PDSS2: variants seen among roughly 807,000 people sequenced by gnomAD.
The protein encoded by PDSS2 is all trans-polyprenyl-diphosphate synthase PDSS2.
A neutral mutation model predicts 44.5 loss-of-function variants in PDSS2; 31 were observed. The ratio of observed to expected loss-of-function variants is 0.70; its 90% CI spans 0.52 to 0.94. The LOEUF (loss-of-function observed/expected upper bound fraction) is 0.94. Ranked by LOEUF, PDSS2 falls within the 40% of genes least tolerant of loss-of-function variation. PDSS2 has a pLI of 0.00. For missense variants in PDSS2, 452 were observed against 482.2 expected (o/e 0.94, Z 0.59); for synonymous variants, 157 against 180.3 (o/e 0.87, Z 1.03).
At chr6:107,220,288 T>C (rs1309169972) in intron 4 of PDSS2, among the ~76,000 whole-genome samples, 2 of 152,178 alleles carry the variant, frequency 1.3e-5, no homozygotes, top group Admixed American at 6.5e-5. Flanking sequence ...TTTACATTTA[T>C]TGGTCTCAAA....
chr6:107,434,227 T>C (rs1270242948), intron 1 of PDSS2, among the ~76,000 whole-genome samples: 1 of 152,138 alleles, frequency 6.6e-6, no homozygotes, highest in Non-Finnish European at 1.5e-5. Flanking sequence ...TAGAGATAAC[T>C]TGTGATCCAG....
intron 2 of PDSS2, among the ~76,000 whole-genome samples, chr6:107,295,160 C>T (rs1336120683): frequency 6.6e-6 from 1 of 152,168 alleles, no homozygotes; most frequent in African/African-American, 2.4e-5. Context: ...TCTTGAACTC[C>T]TGACCTTAGG....
At chr6:107,407,735 T>C (rs1354935533) in intron 1 of PDSS2, among the ~76,000 whole-genome samples, 3 of 152,350 alleles carry the variant, frequency 2.0e-5, no homozygotes, top group African/African-American at 7.2e-5. Flanking sequence ...AGTCTCGCTC[T>C]GTTGCCCAGG....
intron 2 of PDSS2, among the ~76,000 whole-genome samples, chr6:107,291,405 T>C (rs1262992033): frequency 1.3e-5 from 2 of 151,336 alleles, no homozygotes; most frequent in African/African-American, 4.9e-5. Context: ...TGGAGTACAG[T>C]AGTGTTATTG....
chr6:107,293,505 G>T (rs1295100393), intron 2 of PDSS2, among the ~76,000 whole-genome samples: 1 of 152,284 alleles, frequency 6.6e-6, no homozygotes, highest in South Asian at 2.1e-4. Context: ...TTCTGCCGCG[G>T]TACGGGAGTT....
intron 3 of PDSS2, among the ~76,000 whole-genome samples, chr6:107,253,739 T>C (rs925107465): frequency 3.9e-5 from 6 of 152,230 alleles, no homozygotes; most frequent in African/African-American, 1.4e-4. Flanking sequence ...ATTTTACTTT[T>C]GAATAAAGGT....
chr6:107,446,324 G>GA (rs927277144), intron 1 of PDSS2, among the ~76,000 whole-genome samples: 4 of 151,136 alleles, frequency 2.6e-5, no homozygotes, highest in African/African-American at 7.3e-5. Flanking sequence ...AAAAAAAAAA[G>GA]AAAAAAAAGA....
intron 7 of PDSS2, among the ~76,000 whole-genome samples, chr6:107,185,012 C>T (rs1159458760): frequency 6.6e-6 from 1 of 151,316 alleles, no homozygotes; most frequent in African/African-American, 2.4e-5. Context: ...AGACAGTGCA[C>T]CTGTAGTCGC....
At chr6:107,275,331 T>A (rs1332099804) in intron 2 of PDSS2, among the ~76,000 whole-genome samples, 2 of 152,078 alleles carry the variant, frequency 1.3e-5, no homozygotes, top group Admixed American at 6.6e-5. Context: ...GGTGAAAAAA[T>A]TGTGCACACA....
At position 107,293,445 on chromosome 6, in the gene PDSS2, C is replaced by A. The variant is rs972042218; in HGVS notation, c.432-19218G>T. ...AGTTTTCCAAAATATCTGTCCCCCT[C>A]CCCACTGGAGAGCAGATTCTATCAC... On this transcript the variant is annotated intron_variant, in intron 2 of 7. Transcript: ENST00000369037. Among the ~76,000 whole-genome samples the A allele has an allele frequency of 2.0e-5, 3 of 152,218 alleles. No individual in the cohort carries two copies. In the East Asian group the frequency reaches 5.8e-4, roughly 29 times the overall value.
intron 7 of PDSS2, among the ~76,000 whole-genome samples, chr6:107,168,459 G>A (rs1771435609): frequency 6.6e-6 from 1 of 151,772 alleles, no homozygotes; most frequent in African/African-American, 2.4e-5. Flanking sequence ...TTTAATTGGA[G>A]CATTTAGCCC....
intron 1 of PDSS2, among the ~76,000 whole-genome samples, chr6:107,403,173 T>C (rs1473145593): frequency 1.3e-5 from 2 of 152,138 alleles, no homozygotes; most frequent in Non-Finnish European, 2.9e-5. Context: ...ATGGGAGAAG[T>C]TGGCCAAAAC....
intron 1 of PDSS2, among the ~76,000 whole-genome samples, chr6:107,399,660 T>C (rs1012625601): frequency 1.3e-5 from 2 of 152,246 alleles, no homozygotes; most frequent in Non-Finnish European, 2.9e-5. Context: ...AGATAATTCC[T>C]ACTATTTACT....
At position 107,376,136 on chromosome 6, in the gene PDSS2, C is replaced by T. The variant is rs150428893; in HGVS notation, c.297-41804G>A. 9.9e-4 allele frequency among the ~76,000 whole-genome samples: 150 copies of T among 152,236 alleles called. 2 individuals carry two copies. In the East Asian group the frequency reaches 0.016, roughly 16 times the overall value. The stretch of plus-strand genomic sequence containing the variant: ...ATTGATTTATATTTCTGTTTTGGTA[C>T]CAGTACCATGCTGTTTTGGTTACTG... On this transcript the variant is annotated intron_variant, in intron 1 of 7. Coordinates refer to ENST00000369037, the MANE Select transcript of PDSS2 (RefSeq NM_020381.4).
intron 4 of PDSS2, among the ~76,000 whole-genome samples, chr6:107,225,858 A>G (rs1019450241): frequency 2.0e-5 from 3 of 152,208 alleles, no homozygotes; most frequent in Non-Finnish European, 2.9e-5. Flanking sequence ...CAATTTATTC[A>G]TTTATTAAAG....
chr6:107,243,707 C>T (rs867007669), intron 4 of PDSS2, among the ~76,000 whole-genome samples: 2 of 152,178 alleles, frequency 1.3e-5, no homozygotes, highest in African/African-American at 2.4e-5. Context: ...GGAGCGGGTA[C>T]GGGGAAGTGC....
At chr6:107,336,969 C>T (rs1303320139) in intron 1 of PDSS2, among the ~76,000 whole-genome samples, 2 of 146,756 alleles carry the variant, frequency 1.4e-5, no homozygotes, top group Non-Finnish European at 3.0e-5. Context: ...CCAAATCACA[C>T]AGATTTAACA....
At chr6:107,389,844 T>C (rs537546048) in intron 1 of PDSS2, among the ~76,000 whole-genome samples, 3 of 151,814 alleles carry the variant, frequency 2.0e-5, no homozygotes, top group South Asian at 2.1e-4. Flanking sequence ...AAAAAAACCA[T>C]AGCTCCTTGG....
rs1200787279 is a variant in PDSS2 at position 107,264,505 on chromosome 6, G to A, written c.630+9524C>T. 2.6e-6 allele frequency: 4 copies of A among 1,532,982 alleles called. No homozygotes were observed. In the South Asian group the frequency reaches 4.8e-5, roughly 18 times the overall value. 95.0% of individuals were successfully genotyped at this position (1,532,982 alleles called of 1,614,324 possible). ...ATATATAGCAATAGGTCCATTAAAT[G>A]AAAATGACTACAAAGAAAAAAAAAT... On this transcript the variant is annotated intron_variant, in intron 3 of 7. Coordinates refer to ENST00000369037, the MANE Select transcript of PDSS2 (RefSeq NM_020381.4).
Sources: gnomAD v4.1 joint callset for allele counts (sites outside exome capture counted in the v4.1 genomes callset) on GRCh38, gnomAD v4.1.1 for gene constraint, MANE v1.5 for transcripts, NCBI Gene and HGNC (gene_info 2026-07-23, HGNC 2026-07-21) for gene names.